CATSPER3: variants seen among roughly 807,000 people sequenced by gnomAD.
CATSPER3 encodes cation channel sperm-associated protein 3.
Under a neutral mutation model 36.6 loss-of-function variants are expected in CATSPER3, and 23 were observed. That is an observed-to-expected ratio of 0.63 (90% CI 0.45 to 0.89). The LOEUF (loss-of-function observed/expected upper bound fraction) is 0.89. CATSPER3 is among the 40% of genes least tolerant of loss of function. CATSPER3 has a pLI of 0.00. For synonymous variants in CATSPER3, 172 were observed against 184.1 expected (o/e 0.93, Z 0.53); for missense variants, 474 against 503.9 (o/e 0.94, Z 0.57).
intron 2 of CATSPER3, chr5:134,995,935 G>T: frequency 2.6e-6 from 1 of 387,066 alleles, no homozygotes; most frequent in Non-Finnish European, 4.9e-6. Context: ...ATTCATGTTG[G>T]TCAGAAAACT....
intron 3 of CATSPER3, among the ~76,000 whole-genome samples, chr5:135,003,448 C>T (rs566799549): frequency 2.4e-4 from 36 of 152,060 alleles, no homozygotes; most frequent in African/African-American, 3.9e-4. Context: ...TCTCAAACTC[C>T]GTGCTGGGAG....
At chr5:134,982,574 C>G (rs1184635728) in intron 2 of CATSPER3, among the ~76,000 whole-genome samples, 2 of 152,134 alleles carry the variant, frequency 1.3e-5, no homozygotes, top group Admixed American at 1.3e-4. Flanking sequence ...AAAATACTGT[C>G]AATGAGAAAT....
At chr5:134,971,722 A>G (rs1751609586) in intron 2 of CATSPER3, among the ~76,000 whole-genome samples, 1 of 152,198 alleles carries the variant, frequency 6.6e-6, no homozygotes. Flanking sequence ...TTCAAAGCTG[A>G]CCAGCTAGAG....
chr5:134,979,262 G>C (rs1183181970), intron 2 of CATSPER3, among the ~76,000 whole-genome samples: 4 of 152,120 alleles, frequency 2.6e-5, no homozygotes, highest in Non-Finnish European at 4.4e-5. Flanking sequence ...TCAGCCTCCT[G>C]AGTAGCTGGG....
intron 2 of CATSPER3, among the ~76,000 whole-genome samples, chr5:134,995,077 TTGA>T (rs1360659245): frequency 6.6e-6 from 1 of 152,014 alleles, no homozygotes; most frequent in African/African-American, 2.4e-5. Context: ...TTTGGGCTAC[TTGA>T]TACATTCATA....
At chr5:134,995,010 C>CCT (rs972020715) in intron 2 of CATSPER3, among the ~76,000 whole-genome samples, 1 of 149,950 alleles carries the variant, frequency 6.7e-6, no homozygotes, top group Non-Finnish European at 1.5e-5. Context: ...TTCCTTCATC[C>CCT]CTCTCTCTCT....
rs949799344 is a variant in CATSPER3 at position 134,994,496 on chromosome 5, A to G, written c.253-1777A>G. 1.1e-4 allele frequency among the ~76,000 whole-genome samples: 16 copies of G among 152,272 alleles called. 1 individual carries two copies. Among genetic ancestry groups the G allele is most frequent in the Non-Finnish European group, 4.4e-5 (3 of 68,038 alleles). ...AATAACTTCAGAAAACAATTTGCCAATATATAGTGAAGTTAAGATGTTCAT... is the reference window on the plus strand; with the variant it reads ...AATAACTTCAGAAAACAATTTGCCAGTATATAGTGAAGTTAAGATGTTCAT... On this transcript the variant is annotated intron_variant, in intron 2 of 7. Transcript: ENST00000282611.
At chr5:134,969,547 C>G (rs780235706) in intron 1 of CATSPER3, 76 of 262,324 alleles carry the variant, frequency 2.9e-4, no homozygotes, top group Non-Finnish European at 5.3e-4. Flanking sequence ...TGATGATTAT[C>G]AGTTTTGCTT....
intron 2 of CATSPER3, among the ~76,000 whole-genome samples, chr5:134,972,545 T>G (rs968689567): frequency 6.6e-6 from 1 of 152,096 alleles, no homozygotes; most frequent in East Asian, 1.9e-4. Context: ...GATAATAGCT[T>G]AAGAGAAGTA....
At chr5:135,006,098 C>G (rs1396097738) in intron 3 of CATSPER3, among the ~76,000 whole-genome samples, 3 of 152,216 alleles carry the variant, frequency 2.0e-5, no homozygotes. Context: ...CTTAGAACTT[C>G]CTCAGGAGGG....
chr5:134,984,721 C>G (rs1751788314), intron 2 of CATSPER3, among the ~76,000 whole-genome samples: 1 of 151,972 alleles, frequency 6.6e-6, no homozygotes, highest in South Asian at 2.1e-4. Flanking sequence ...GGAGATTTCT[C>G]CAAGAACTAA....
intron 2 of CATSPER3, among the ~76,000 whole-genome samples, chr5:134,979,933 C>G (rs1014338647): frequency 6.9e-6 from 1 of 143,932 alleles, no homozygotes; most frequent in African/African-American, 2.6e-5. Context: ...CTCCCTCCCT[C>G]CCACCCTCAT....
chr5:134,970,116 T>G, intron 2 of CATSPER3, 24 bp downstream of exon 2: 1 of 1,609,284 alleles, frequency 6.2e-7, no homozygotes, highest in South Asian at 1.1e-5. Flanking sequence ...ATGGGTCCAT[T>G]TTCTTCTTTT....
chr5:135,003,259 A>C (rs1403281835), intron 3 of CATSPER3, among the ~76,000 whole-genome samples: 1 of 152,242 alleles, frequency 6.6e-6, no homozygotes, highest in Non-Finnish European at 1.5e-5. Context: ...TGGAGGCTGC[A>C]AAACAGCGAA....
intron 2 of CATSPER3, among the ~76,000 whole-genome samples, chr5:134,978,403 A>G (rs540873520): frequency 2.6e-5 from 4 of 152,326 alleles, no homozygotes; most frequent in Admixed American, 6.5e-5. Flanking sequence ...TTGAAATATC[A>G]TACTGTACCC....
chr5:134,997,645 G>A (rs993263020), intron 3 of CATSPER3, among the ~76,000 whole-genome samples: 6 of 152,080 alleles, frequency 3.9e-5, no homozygotes, highest in African/African-American at 7.2e-5. Context: ...TCTCAGGAGC[G>A]TTTATCCTTT....
At chr5:134,994,175 A>G (rs537639203) in intron 2 of CATSPER3, among the ~76,000 whole-genome samples, 14 of 152,210 alleles carry the variant, frequency 9.2e-5, no homozygotes, top group Non-Finnish European at 7.3e-5. Flanking sequence ...TCGGTGTGGG[A>G]GAAGATATTT....
At chr5:134,970,237 C>T in intron 2 of CATSPER3, 145 bp downstream of exon 2, 2 of 755,646 alleles carry the variant, frequency 2.6e-6, no homozygotes, top group South Asian at 1.6e-5. Context: ...CTCACTGCAA[C>T]CTCCATCTCC....
At chr5:134,985,122 A>G (rs189388007) in intron 2 of CATSPER3, among the ~76,000 whole-genome samples, 2 of 152,356 alleles carry the variant, frequency 1.3e-5, no homozygotes, top group East Asian at 1.9e-4. Context: ...CCAGGTCTGC[A>G]TGCATATGTT....
Sources: allele counts gnomAD v4.1 joint callset (sites outside exome capture counted in the v4.1 genomes callset), GRCh38; gene constraint gnomAD v4.1.1; transcripts MANE v1.5; gene names NCBI Gene and HGNC (gene_info 2026-07-23, HGNC 2026-07-21).